PARL: variants seen among roughly 807,000 people sequenced by gnomAD.
PARL encodes presenilin-associated rhomboid-like protein, mitochondrial.
PARL carries 44 observed loss-of-function variants against 51.6 expected under a neutral mutation model. The ratio of observed to expected loss-of-function variants is 0.85; its 90% confidence interval spans 0.67 to 1.10. PARL has a LOEUF of 1.10. Ranked by LOEUF, PARL falls within the 50% of genes least tolerant of loss-of-function variation. The pLI, the probability that PARL is intolerant of heterozygous loss-of-function variation, is 0.00. For missense variants in PARL, 441 were observed against 469.5 expected (o/e 0.94, Z 0.56); for synonymous variants, 172 against 164.0 (o/e 1.05, Z -0.37).
downstream of PARL, among the ~76,000 whole-genome samples, chr3:183,827,540 T>G (rs887748831): frequency 1.3e-5 from 2 of 152,108 alleles, no homozygotes; most frequent in African/African-American, 4.8e-5. Context: ...CAGGGTTGCT[T>G]TGGAGACCAG....
In PARL at chr3:183,867,850, A is replaced by G; in HGVS notation, c.321+15T>C. ...TCTAGCAAGGTAGGTAACTCCTAGCAAAGTGAGCTCTTACCCCAACAGTAA... is the reference window on the plus strand; with the variant it reads ...TCTAGCAAGGTAGGTAACTCCTAGCGAAGTGAGCTCTTACCCCAACAGTAA... On this transcript the variant is annotated intron_variant, in intron 2 of 9. Coordinates refer to ENST00000317096, the MANE Select transcript of PARL (RefSeq NM_018622.7). 1 of 1,591,652 alleles carries G rather than the reference A, an allele frequency of 6.3e-7. No homozygotes were observed. The highest frequency in any genetic ancestry group is 8.6e-7 in the Non-Finnish European group (1 of 1,161,102).
rs1260559600 is a variant in PARL, at chr3:183,867,852, A to C, written c.321+13T>G. On this transcript the variant is annotated intron_variant, in intron 2 of 9. Transcript: ENST00000317096. The stretch of plus-strand genomic sequence containing the variant: ...TAGCAAGGTAGGTAACTCCTAGCAA[A>C]GTGAGCTCTTACCCCAACAGTAAAA... The C allele has an allele frequency of 6.3e-7, 1 of 1,594,346 alleles. No homozygotes were observed. The highest frequency in any genetic ancestry group is 1.3e-5 in the African/African-American group (1 of 74,606).
chr3:183,859,217 C>A (rs1731520464), intron 4 of PARL, among the ~76,000 whole-genome samples: 2 of 151,980 alleles, frequency 1.3e-5, no homozygotes, highest in South Asian at 4.1e-4. Context: ...GCAGAGCTTG[C>A]CCGTGAGCAG....
chr3:183,883,643 T>A, intron 1 of PARL: 1 of 985,326 alleles, frequency 1.0e-6, no homozygotes, highest in Non-Finnish European at 1.2e-6. Context: ...CTGTCCTCAT[T>A]TTCCACCTCC....
At chr3:183,837,593 A>G (rs953008026) in intron 7 of PARL, among the ~76,000 whole-genome samples, 1 of 152,064 alleles carries the variant, frequency 6.6e-6, no homozygotes, top group Non-Finnish European at 1.5e-5. Flanking sequence ...AGCCCCTATC[A>G]CTCAGGAGGC....
At chr3:183,840,467 A>T (rs1729160496) in intron 7 of PARL, 103 bp downstream of exon 7, 1 of 641,372 alleles carries the variant, frequency 1.6e-6, no homozygotes, top group South Asian at 2.0e-5. Flanking sequence ...TGAAGGGTAT[A>T]TGAGAACCTC....
chr3:183,873,105 T>C (rs776874961), intron 1 of PARL, among the ~76,000 whole-genome samples: 9 of 152,212 alleles, frequency 5.9e-5, no homozygotes, highest in Non-Finnish European at 1.0e-4. Flanking sequence ...AACCTGGAGA[T>C]AGGTCTAGTA....
chr3:183,879,289 T>C (rs1313838689), intron 1 of PARL, among the ~76,000 whole-genome samples: 2 of 152,250 alleles, frequency 1.3e-5, no homozygotes, highest in Non-Finnish European at 2.9e-5. Flanking sequence ...GATGGGCACC[T>C]GTCCCAAGTT....
Position 183,862,804 on chromosome 3 carries a change from A to G in PARL, c.463-3T>C. Reference sequence around the variant, plus strand: ...AGGTTATTCCACCACTTGTTAATCTAAAACAGACAGAAAATTGCATCACCA... The same window carrying G: ...AGGTTATTCCACCACTTGTTAATCTGAAACAGACAGAAAATTGCATCACCA... On this transcript the variant is annotated splice_polypyrimidine_tract_variant and splice_region_variant and intron_variant, in intron 3 of 9. Transcript: ENST00000317096. The G allele has an allele frequency of 1.2e-6, 2 of 1,612,412 alleles. No individual in the cohort carries two copies. The highest frequency in any genetic ancestry group is 1.7e-6 in the Non-Finnish European group (2 of 1,178,428).
rs930979720 is a variant in PARL at position 183,860,970 on chromosome 3, C to T, written c.511+1783G>A. On this transcript the variant is annotated intron_variant, in intron 4 of 9. Transcript: ENST00000317096. ...TGGGATTAACAGGCGTGCACCACCA[C>T]GCCTAAGCTAATTTTTTGTATTTTT... Among the ~76,000 whole-genome samples, 6 of 152,180 alleles carry T rather than the reference C, an allele frequency of 3.9e-5. No individual in the cohort carries two copies. In the East Asian group the frequency reaches 9.7e-4, roughly 25 times the overall value.
At position 183,842,852 on chromosome 3, in the gene PARL, C is replaced by T. The variant is rs367801339; in HGVS notation, c.608-405G>A. Among the ~76,000 whole-genome samples the T allele has an allele frequency of 4.8e-4, 53 of 111,122 alleles. No homozygotes were observed. The South Asian group carries it at 0.015, about 32-fold the overall frequency. The allele number at this position is 111,122 out of a possible 152,430, so 72.9% of individuals were successfully genotyped here. A position where few individuals can be genotyped will look rare whatever the true frequency, so the allele number is the denominator to read the frequency against. On this transcript the variant is annotated intron_variant, in intron 5 of 9. Transcript: ENST00000317096. ...AAATTTATGAAACAAACATGGAAAA[C>T]AAAAACAGCTATTTTTAAGACTTTT...
chr3:183,838,215 T>C (rs1349637130), intron 7 of PARL, among the ~76,000 whole-genome samples: 2 of 151,922 alleles, frequency 1.3e-5, no homozygotes, highest in Non-Finnish European at 2.9e-5. Flanking sequence ...TTTGTAGAGA[T>C]GGGGTCTCAC....
chr3:183,877,459 T>C (rs747632985), intron 1 of PARL, among the ~76,000 whole-genome samples: 7 of 152,180 alleles, frequency 4.6e-5, no homozygotes, highest in Admixed American at 2.0e-4. Context: ...TTTGAGAGGA[T>C]TTACTCCTAC....
At chr3:183,862,090 G>A (rs1342266764) in intron 4 of PARL, among the ~76,000 whole-genome samples, 2 of 152,122 alleles carry the variant, frequency 1.3e-5, no homozygotes, top group African/African-American at 2.4e-5. Flanking sequence ...CTATTTTCAA[G>A]TTTCTCAAAT....
intron 4 of PARL, chr3:183,861,230 A>G: frequency 2.1e-6 from 2 of 972,692 alleles, no homozygotes; most frequent in Non-Finnish European, 2.4e-6. Flanking sequence ...TGACCTATCA[A>G]TTCTATGGTC....
At chr3:183,882,161 G>A (rs1220160214) in intron 1 of PARL, among the ~76,000 whole-genome samples, 2 of 143,204 alleles carry the variant, frequency 1.4e-5, no homozygotes, top group African/African-American at 5.2e-5. Flanking sequence ...CTGAGATCGT[G>A]CCACTGCACT....
intron 4 of PARL, among the ~76,000 whole-genome samples, chr3:183,852,557 T>C (rs900897599): frequency 2.0e-5 from 3 of 152,006 alleles, no homozygotes; most frequent in Non-Finnish European, 4.4e-5. Context: ...AATGAAAAAG[T>C]CCTGGAAATA....
chr3:183,849,316 A>G (rs1560394359), intron 4 of PARL, among the ~76,000 whole-genome samples: 2 of 152,210 alleles, frequency 1.3e-5, no homozygotes, highest in Non-Finnish European at 2.9e-5. Flanking sequence ...CTAAAACACT[A>G]AAATTATACA....
intron 4 of PARL, among the ~76,000 whole-genome samples, chr3:183,856,821 T>C (rs928884111): frequency 6.6e-6 from 1 of 152,244 alleles, no homozygotes; most frequent in East Asian, 1.9e-4. Flanking sequence ...ACATTTAAAA[T>C]GGTACACAAC....
Sources: gnomAD v4.1 joint callset for allele counts (sites outside exome capture counted in the v4.1 genomes callset) on GRCh38, gnomAD v4.1.1 for gene constraint, MANE v1.5 for transcripts, NCBI Gene and HGNC (gene_info 2026-07-23, HGNC 2026-07-21) for gene names.